The following CLSTN2 variants were observed in gnomAD, a reference collection of about 807,000 sequenced individuals.
The protein encoded by CLSTN2 is calsyntenin-2.
A neutral mutation model predicts 101.2 loss-of-function variants in CLSTN2; 48 were observed. The observed-to-expected ratio is 0.47, with a 90% CI of 0.38 to 0.60. The LOEUF is 0.60. CLSTN2 is among the 20% of genes least tolerant of loss of function. The probability of loss-of-function intolerance (pLI) is 0.00; values close to 1 mark genes in which losing one functional copy is unlikely to be tolerated. For synonymous variants in CLSTN2, 481 were observed against 463.6 expected (o/e 1.04, Z -0.48); for missense variants, 1,160 against 1,238.2 (o/e 0.94, Z 0.95).
rs528034634 is a variant in CLSTN2, at chr3:140,328,415, T to C, written c.233-75214T>C. ...ACTTCTTCCTTTAGTGTCCACCTCA[T>C]TGAATTGTAAAACATTTGGGATTTT... On this transcript the variant is annotated intron_variant, in intron 2 of 16. Transcript: ENST00000458420. 3.3e-5 allele frequency among the ~76,000 whole-genome samples: 5 copies of C among 152,310 alleles called. No homozygotes were observed. The East Asian group carries it at 5.8e-4, about 18-fold the overall frequency.
intron 2 of CLSTN2, among the ~76,000 whole-genome samples, chr3:140,306,007 A>G (rs916026776): frequency 2.6e-4 from 39 of 152,200 alleles, no homozygotes; most frequent in African/African-American, 8.9e-4. Flanking sequence ...AGAACAGACC[A>G]TGGATACTAT....
At chr3:140,466,472 G>A in intron 7 of CLSTN2, 138 bp from the exon 8 acceptor site, 1 of 963,078 alleles carries the variant, frequency 1.0e-6, no homozygotes, top group Non-Finnish European at 1.6e-6. Flanking sequence ...TATCATCAGA[G>A]CCTGTTGTAA....
intron 1 of CLSTN2, among the ~76,000 whole-genome samples, chr3:139,960,078 T>C (rs1379103876): frequency 6.6e-6 from 1 of 152,216 alleles, no homozygotes; most frequent in Non-Finnish European, 1.5e-5. Flanking sequence ...ATTCGTGGTG[T>C]GTGTAAATGC....
At chr3:140,161,087 A>T (rs538904234) in intron 1 of CLSTN2, among the ~76,000 whole-genome samples, 1 of 152,128 alleles carries the variant, frequency 6.6e-6, no homozygotes, top group Admixed American at 6.5e-5. Context: ...CAAAGGTCTC[A>T]GTTAGCAATT....
At chr3:140,179,319 T>A (rs578188332) in intron 2 of CLSTN2, among the ~76,000 whole-genome samples, 6 of 151,790 alleles carry the variant, frequency 4.0e-5, no homozygotes, top group African/African-American at 1.4e-4. Flanking sequence ...TCTACCTTTT[T>A]TTTTTTCAAA....
At chr3:140,519,047 C>CA (rs1247086893) in intron 8 of CLSTN2, among the ~76,000 whole-genome samples, 2 of 152,058 alleles carry the variant, frequency 1.3e-5, no homozygotes, top group African/African-American at 2.4e-5. Flanking sequence ...TCATTAGTTT[C>CA]AAAAAAACTT....
At chr3:140,487,802 C>A (rs1559884381) in intron 8 of CLSTN2, among the ~76,000 whole-genome samples, 1 of 152,228 alleles carries the variant, frequency 6.6e-6, no homozygotes, top group South Asian at 2.1e-4. Context: ...TCAAACACAA[C>A]TATGTCAAAT....
At chr3:139,955,012 G>A (rs893122478) in intron 1 of CLSTN2, among the ~76,000 whole-genome samples, 3 of 150,524 alleles carry the variant, frequency 2.0e-5, no homozygotes, top group African/African-American at 7.4e-5. Context: ...TTATTTCAGT[G>A]AGGAGAGTGT....
At chr3:140,376,256 G>C (rs961291120) in intron 2 of CLSTN2, among the ~76,000 whole-genome samples, 1 of 152,176 alleles carries the variant, frequency 6.6e-6, no homozygotes, top group Non-Finnish European at 1.5e-5. Context: ...AGTTCAGCTT[G>C]GCTCAGTTTT....
At chr3:140,366,164 C>T (rs1374879137) in intron 2 of CLSTN2, among the ~76,000 whole-genome samples, 1 of 152,216 alleles carries the variant, frequency 6.6e-6, no homozygotes, top group African/African-American at 2.4e-5. Context: ...GTACTGATCC[C>T]TGGGATGGAT....
chr3:140,224,174 A>T (rs2086299115), intron 2 of CLSTN2, among the ~76,000 whole-genome samples: 1 of 152,210 alleles, frequency 6.6e-6, no homozygotes, highest in South Asian at 2.1e-4. Context: ...CTTTGCAGTC[A>T]TATCCATCTA....
chr3:140,057,745 G>T (rs1426229194), intron 1 of CLSTN2, among the ~76,000 whole-genome samples: 2 of 152,042 alleles, frequency 1.3e-5, no homozygotes, highest in Non-Finnish European at 2.9e-5. Flanking sequence ...AAAATGTAGG[G>T]CCCAATTATC....
rs1311672329 is a variant in CLSTN2, at chr3:140,558,784, G to C, written c.1968G>C (p.Val656=). The C allele has an allele frequency of 6.2e-7, 1 of 1,613,894 alleles. No individual in the cohort carries two copies. The highest frequency in any genetic ancestry group is 8.5e-7 in the Non-Finnish European group (1 of 1,180,004). The change falls in exon 12 of 17, where the codon GTG becomes GTC. Residue 656 remains valine, a synonymous_variant. Transcript: ENST00000458420. ...CCCAGTTTGAAAGTGCCAGGGGAGT[G>C]ACCCTCTTCCCTGATATCAAGATTG... ...PAAQFESARG[V]TLFPDIKIVS...
intron 5 of CLSTN2, among the ~76,000 whole-genome samples, chr3:140,421,836 C>G (rs897946770): frequency 6.6e-6 from 1 of 152,142 alleles, no homozygotes; most frequent in African/African-American, 2.4e-5. Context: ...GCAAAGGAAA[C>G]TAAATGCTTA....
intron 1 of CLSTN2, among the ~76,000 whole-genome samples, chr3:140,089,786 A>T: frequency 6.6e-6 from 1 of 150,674 alleles, no homozygotes; most frequent in Non-Finnish European, 1.5e-5. Flanking sequence ...TATTTTTTGT[A>T]TTTTTAGTAG....
chr3:140,139,127 A>G (rs1182315184), intron 1 of CLSTN2, among the ~76,000 whole-genome samples: 5 of 152,218 alleles, frequency 3.3e-5, no homozygotes, highest in African/African-American at 1.2e-4. Flanking sequence ...GTAGGTGCAC[A>G]GTATTTGGCG....
Position 140,539,787 on chromosome 3 carries a change from G to T in CLSTN2, c.1508-6728G>T, listed in dbSNP as rs555565140. ...TGAGGAAACTGGGATTCAGAGGTAA[G>T]TACCTTGCTGCGAGTCATGTAGAGC... On this transcript the variant is annotated intron_variant, in intron 9 of 16. Transcript: ENST00000458420. Among the ~76,000 whole-genome samples, 17 of 152,334 alleles carry T rather than the reference G, an allele frequency of 1.1e-4. No homozygotes were observed. In the South Asian group the frequency reaches 2.1e-3, roughly 19 times the overall value.
At chr3:140,203,240 A>G (rs538745382) in intron 2 of CLSTN2, among the ~76,000 whole-genome samples, 1 of 152,332 alleles carries the variant, frequency 6.6e-6, no homozygotes, top group South Asian at 2.1e-4. Context: ...AGAAAGGATC[A>G]TTGCATGTAG....
chr3:140,325,519 A>G (rs1178560575), intron 2 of CLSTN2, among the ~76,000 whole-genome samples: 1 of 152,164 alleles, frequency 6.6e-6, no homozygotes, highest in African/African-American at 2.4e-5. Context: ...GTAAAAGTGG[A>G]GGTTCCTCTT....
Sources: gnomAD v4.1 joint callset for allele counts (sites outside exome capture counted in the v4.1 genomes callset) on GRCh38, gnomAD v4.1.1 for gene constraint, MANE v1.5 for transcripts, NCBI Gene and HGNC (gene_info 2026-07-23, HGNC 2026-07-21) for gene names.